The following MACROD2 variants were observed in gnomAD, a reference collection of about 807,000 sequenced individuals.
MACROD2 encodes ADP-ribose glycohydrolase MACROD2.
In MACROD2, 36 loss-of-function variants were observed where a neutral mutation model predicts 70.4. The observed-to-expected ratio is 0.51, with a 90% confidence interval of 0.39 to 0.68. MACROD2 has a LOEUF of 0.68. Among genes scored for constraint, MACROD2 ranks in the 30% least tolerant of loss-of-function variants. The pLI is 0.00. For missense variants in MACROD2, 496 were observed against 538.4 expected (o/e 0.92, Z 0.78); for synonymous variants, 172 against 178.8 (o/e 0.96, Z 0.30).
chr20:14,927,959 T>C (rs1336384920), intron 5 of MACROD2, among the ~76,000 whole-genome samples: 5 of 152,240 alleles, frequency 3.3e-5, no homozygotes, highest in Non-Finnish European at 7.3e-5. Flanking sequence ...GTTTTACTTG[T>C]TAACCAAGGC....
chr20:15,978,634 A>T (rs192184868), intron 13 of MACROD2, among the ~76,000 whole-genome samples: 6 of 149,590 alleles, frequency 4.0e-5, no homozygotes, highest in Non-Finnish European at 8.9e-5. Context: ...CTCTCAGCTA[A>T]CCTTACAACT....
At chr20:15,405,612 T>A (rs1216335488) in intron 6 of MACROD2, among the ~76,000 whole-genome samples, 1 of 152,176 alleles carries the variant, frequency 6.6e-6, no homozygotes, top group African/African-American at 2.4e-5. Context: ...CCATGGGGAC[T>A]TTGCACTTGT....
At chr20:16,021,679 G>A (rs1269780076) in intron 15 of MACROD2, among the ~76,000 whole-genome samples, 1 of 152,172 alleles carries the variant, frequency 6.6e-6, no homozygotes. Context: ...ACCTATCTAT[G>A]AGGTAGGCGT....
chr20:15,551,480 G>A (rs1048083443), intron 8 of MACROD2, among the ~76,000 whole-genome samples: 49 of 151,994 alleles, frequency 3.2e-4, no homozygotes, highest in African/African-American at 1.1e-3. Context: ...GAAAAAACAT[G>A]TACTAAAACA....
At chr20:14,892,160 G>A (rs1429157911) in intron 5 of MACROD2, among the ~76,000 whole-genome samples, 1 of 152,066 alleles carries the variant, frequency 6.6e-6, no homozygotes, top group Non-Finnish European at 1.5e-5. Context: ...ATATTCAATA[G>A]TTATTTCTTT....
intron 3 of MACROD2, chr20:14,128,260 A>T (rs979692132): frequency 8.2e-6 from 2 of 244,328 alleles, no homozygotes; most frequent in South Asian, 1.3e-4. Flanking sequence ...GTGGCTATAT[A>T]CAAAGGAGCT....
chr20:14,080,333 C>T (rs1401631994), intron 2 of MACROD2, among the ~76,000 whole-genome samples: 3 of 149,160 alleles, frequency 2.0e-5, no homozygotes, highest in South Asian at 4.2e-4. Context: ...GTCCCAGCTA[C>T]TCAGGAGGCT....
chr20:15,893,617 C>A, intron 10 of MACROD2: 1 of 432,670 alleles, frequency 2.3e-6, no homozygotes. Context: ...ATGAGATGTT[C>A]TTTTCATGTG....
chr20:15,804,676 G>A (rs918074274), intron 8 of MACROD2, among the ~76,000 whole-genome samples: 2 of 152,108 alleles, frequency 1.3e-5, no homozygotes, highest in Admixed American at 1.3e-4. Flanking sequence ...TAGGTTTCAG[G>A]CTGTGTCTGT....
intron 8 of MACROD2, among the ~76,000 whole-genome samples, chr20:15,743,802 G>A (rs2051139619): frequency 6.6e-6 from 1 of 152,078 alleles, no homozygotes; most frequent in South Asian, 2.1e-4. Context: ...AATCCACTCA[G>A]CACAACTCAC....
intron 8 of MACROD2, among the ~76,000 whole-genome samples, chr20:15,837,898 T>C (rs1191110015): frequency 3.3e-5 from 5 of 152,152 alleles, no homozygotes; most frequent in African/African-American, 1.2e-4. Flanking sequence ...CATCATCAAC[T>C]GCTTAGCCCA....
chr20:14,734,509 C>CA (rs1294551371), intron 5 of MACROD2, among the ~76,000 whole-genome samples: 22 of 121,380 alleles, frequency 1.8e-4, no homozygotes, highest in East Asian at 4.5e-4. Flanking sequence ...TCAAAAAAAA[C>CA]AAAAAAACAA....
chr20:16,013,543 C>T (rs754824693), intron 15 of MACROD2, among the ~76,000 whole-genome samples: 30 of 152,190 alleles, frequency 2.0e-4, no homozygotes, highest in Non-Finnish European at 4.1e-4. Context: ...ATGTTTTCTA[C>T]AACAACTGCT....
At chr20:14,208,223 A>G (rs2081541997) in intron 3 of MACROD2, among the ~76,000 whole-genome samples, 1 of 152,192 alleles carries the variant, frequency 6.6e-6, no homozygotes, top group Non-Finnish European at 1.5e-5. Flanking sequence ...TAGATGGATT[A>G]CAGGGTCTTG....
At chr20:14,497,728 A>G (rs2084870027) in intron 4 of MACROD2, among the ~76,000 whole-genome samples, 1 of 151,736 alleles carries the variant, frequency 6.6e-6, no homozygotes, top group African/African-American at 2.4e-5. Flanking sequence ...ACATAGCTTT[A>G]TGACTGCCAT....
At chr20:14,348,283 A>G (rs969238333) in intron 3 of MACROD2, among the ~76,000 whole-genome samples, 1 of 145,154 alleles carries the variant, frequency 6.9e-6, no homozygotes, top group South Asian at 2.2e-4. Flanking sequence ...AAAAAAAAAT[A>G]AATAAAATAA....
Position 15,135,456 on chromosome 20 carries a change from A to T in MACROD2, c.419-94484A>T, listed in dbSNP as rs987735013. ...ATCCAGCATATAAACAGAACCAAAG[A>T]CAAAAGCCACGTGATTATCTCAATA... On this transcript the variant is annotated intron_variant, in intron 5 of 17. Transcript: ENST00000684519. Among the ~76,000 whole-genome samples the T allele has an allele frequency of 5.4e-5, 8 of 148,688 alleles. No individual in the cohort carries two copies. The South Asian group carries it at 1.3e-3, about 24-fold the overall frequency.
intron 6 of MACROD2, among the ~76,000 whole-genome samples, chr20:15,300,243 A>G (rs1030566975): frequency 1.3e-5 from 2 of 151,866 alleles, no homozygotes; most frequent in African/African-American, 4.8e-5. Context: ...CGTATTTGTA[A>G]TTCATATTTA....
chr20:14,492,274 A>G (rs1224793147), intron 3 of MACROD2, among the ~76,000 whole-genome samples: 2 of 152,198 alleles, frequency 1.3e-5, no homozygotes, highest in Admixed American at 1.3e-4. Flanking sequence ...CATGTTTGTG[A>G]CAACAGCACT....
Sources: allele counts gnomAD v4.1 joint callset (sites outside exome capture counted in the v4.1 genomes callset), GRCh38; gene constraint gnomAD v4.1.1; transcripts MANE v1.5; gene names NCBI Gene and HGNC (gene_info 2026-07-23, HGNC 2026-07-21).